Variants in CTNNA3 observed in about 807,000 individuals in gnomAD.
CTNNA3 encodes catenin alpha-3.
Under a neutral mutation model 95.7 loss-of-function variants are expected in CTNNA3, and 76 were observed. That is an observed-to-expected ratio of 0.79 (90% CI 0.66 to 0.96). The LOEUF (loss-of-function observed/expected upper bound fraction) is 0.96. CTNNA3 is among the 40% of genes least tolerant of loss of function. The pLI is 0.00. For missense variants in CTNNA3, 1,191 were observed against 1,089.8 expected, an observed-to-expected ratio of 1.09 and a Z score of -1.31; for synonymous variants, 431 against 374.4, an observed-to-expected ratio of 1.15 and a Z score of -1.74.
rs142281733 is a variant in CTNNA3 at position 67,005,258 on chromosome 10, C to G, written c.1047+175059G>C. ...AGAAAATGATGACCTTTAATTAAAA[C>G]TCTGCCCCTTACTAATTTTCACATC... On this transcript the variant is annotated intron_variant, in intron 7 of 17. Transcript: ENST00000433211. 3.7e-3 allele frequency among the ~76,000 whole-genome samples: 557 copies of G among 152,240 alleles called. 3 individuals carry two copies. Among genetic ancestry groups the G allele is most frequent in the African/African-American group, 0.013 (535 of 41,560 alleles).
intron 7 of CTNNA3, among the ~76,000 whole-genome samples, chr10:67,001,305 A>G (rs902578560): frequency 1.3e-5 from 2 of 150,940 alleles, no homozygotes; most frequent in African/African-American, 4.8e-5. Flanking sequence ...GTCTAAAAAA[A>G]AAAAAAAGAA....
In CTNNA3 at chr10:66,676,948, A is replaced by G. The variant is rs192490588; in HGVS notation, c.1282-55164T>C. ...GTCTCATGGCACAGTCTAGTATGTT[A>G]CAAATCTTGATAAGCAGAAACCCAA... On this transcript the variant is annotated intron_variant, in intron 9 of 17. Transcript: ENST00000433211. Among the ~76,000 whole-genome samples, 112 of 152,266 alleles carry G rather than the reference A, an allele frequency of 7.4e-4. 2 individuals carry two copies. Among genetic ancestry groups the G allele is most frequent in the East Asian group, 1.9e-3 (10 of 5,162 alleles).
At chr10:67,047,481 A>T (rs1365847629) in intron 7 of CTNNA3, among the ~76,000 whole-genome samples, 1 of 152,124 alleles carries the variant, frequency 6.6e-6, no homozygotes, top group East Asian at 1.9e-4. Flanking sequence ...GTGTTACTGC[A>T]TTATATTTAA....
At chr10:66,295,217 A>G (rs528611898) in intron 12 of CTNNA3, among the ~76,000 whole-genome samples, 2 of 152,210 alleles carry the variant, frequency 1.3e-5, no homozygotes, top group Non-Finnish European at 2.9e-5. Context: ...ATAGAGACTT[A>G]ACCTAAGACT....
At chr10:66,351,050 T>TAAAACA in intron 12 of CTNNA3, among the ~76,000 whole-genome samples, 1 of 152,132 alleles carries the variant, frequency 6.6e-6, no homozygotes, top group Non-Finnish European at 1.5e-5. Flanking sequence ...TCTTTGAAAA[T>TAAAACA]AAAACAAAAA....
Position 67,566,041 on chromosome 10 carries a change from G to GTATATATATATATATATATATA in CTNNA3, c.293-26373_293-26372insTATATATATATATATATATATA, listed in dbSNP as rs1388066358. Among the ~76,000 whole-genome samples the GTATATATATATATATATATATA allele has an allele frequency of 4.1e-3, 119 of 29,334 alleles. 2 individuals carry two copies. The highest frequency in any genetic ancestry group is 0.015 in the Middle Eastern group (1 of 66). The allele number at this position is 29,334 out of a possible 152,430, so 19.2% of individuals were successfully genotyped here. On this transcript the variant is annotated intron_variant, in intron 3 of 17. Coordinates refer to ENST00000433211, the MANE Select transcript of CTNNA3 (RefSeq NM_013266.4). ...AACACACACACACACATATGTGTGT[G>GTATATATATATATATATATATA]TGTATATATATATATATATATATAT...
At chr10:65,944,859 T>C (rs889974344) in intron 17 of CTNNA3, among the ~76,000 whole-genome samples, 102 of 44,368 alleles carry the variant, frequency 2.3e-3, no homozygotes, top group African/African-American at 8.3e-3. Context: ...TATCTGTCTA[T>C]CTATCTATCT....
At chr10:66,145,279 T>C (rs1405500520) in intron 13 of CTNNA3, among the ~76,000 whole-genome samples, 1 of 152,086 alleles carries the variant, frequency 6.6e-6, no homozygotes, top group Non-Finnish European at 1.5e-5. Context: ...CCAAGGCCCT[T>C]CTCCACACAA....
chr10:66,682,558 T>C (rs1180374967), intron 9 of CTNNA3, among the ~76,000 whole-genome samples: 1 of 151,990 alleles, frequency 6.6e-6, no homozygotes, highest in Non-Finnish European at 1.5e-5. Flanking sequence ...GCAAATTATT[T>C]TCTCAGGAGA....
intron 12 of CTNNA3, among the ~76,000 whole-genome samples, chr10:66,298,191 A>G (rs955540896): frequency 6.6e-6 from 1 of 152,190 alleles, no homozygotes; most frequent in African/African-American, 2.4e-5. Flanking sequence ...AGTTGATAAA[A>G]TAGCAAGGTT....
chr10:66,996,278 A>C (rs1157529913), intron 7 of CTNNA3, among the ~76,000 whole-genome samples: 1 of 152,210 alleles, frequency 6.6e-6, no homozygotes, highest in Admixed American at 6.5e-5. Flanking sequence ...TTATCTATCT[A>C]ACTTAGTAGC....
intron 7 of CTNNA3, among the ~76,000 whole-genome samples, chr10:66,793,484 T>A (rs1470697480): frequency 6.6e-6 from 1 of 152,060 alleles, no homozygotes; most frequent in Non-Finnish European, 1.5e-5. Flanking sequence ...CAATATTTTT[T>A]TTTTGCTTAA....
intron 3 of CTNNA3, among the ~76,000 whole-genome samples, chr10:67,605,269 G>C (rs893089669): frequency 7.9e-5 from 12 of 152,304 alleles, no homozygotes; most frequent in South Asian, 2.1e-4. Flanking sequence ...GCTAGACATA[G>C]AAAGAAAACT....
intron 10 of CTNNA3, among the ~76,000 whole-genome samples, chr10:66,521,835 G>A (rs779303739): frequency 6.6e-6 from 1 of 152,092 alleles, no homozygotes; most frequent in Non-Finnish European, 1.5e-5. Context: ...TTGTAAAGCC[G>A]TGTTTCATCT....
chr10:66,084,122 C>T (rs973079829), intron 14 of CTNNA3, among the ~76,000 whole-genome samples: 13 of 104,794 alleles, frequency 1.2e-4, no homozygotes, highest in South Asian at 3.5e-4. Flanking sequence ...GTAACAACAG[C>T]GAAACTTCAT....
At chr10:66,405,254 G>T (rs2093048228) in intron 11 of CTNNA3, among the ~76,000 whole-genome samples, 1 of 152,186 alleles carries the variant, frequency 6.6e-6, no homozygotes, top group East Asian at 1.9e-4. Context: ...GTTTTTGATA[G>T]ACTGCTTGAC....
chr10:67,302,529 A>G (rs1840370185), intron 5 of CTNNA3, among the ~76,000 whole-genome samples: 1 of 152,232 alleles, frequency 6.6e-6, no homozygotes, highest in African/African-American at 2.4e-5. Flanking sequence ...ATGTTTATAC[A>G]ATAAATATAA....
At chr10:67,292,685 G>A (rs1046938410) in intron 5 of CTNNA3, among the ~76,000 whole-genome samples, 2 of 152,048 alleles carry the variant, frequency 1.3e-5, no homozygotes, top group Non-Finnish European at 2.9e-5. Context: ...AACTTTGAAA[G>A]CTTTAGTTTT....
intron 7 of CTNNA3, among the ~76,000 whole-genome samples, chr10:66,799,266 A>G (rs1352401502): frequency 1.3e-5 from 2 of 151,680 alleles, no homozygotes; most frequent in Non-Finnish European, 3.0e-5. Context: ...ACTAAAATAG[A>G]CAATACATAT....
Sources: allele counts gnomAD v4.1 joint callset (sites outside exome capture counted in the v4.1 genomes callset), GRCh38; gene constraint gnomAD v4.1.1; transcripts MANE v1.5; gene names NCBI Gene and HGNC (gene_info 2026-07-23, HGNC 2026-07-21).